The following MLLT1 variants were observed in gnomAD, a reference collection of about 807,000 sequenced individuals.
MLLT1 encodes the protein MLLT1 super elongation complex subunit, also known as protein ENL.
In MLLT1, 11 loss-of-function variants were observed where a neutral mutation model predicts 55.1. The ratio of observed to expected loss-of-function variants is 0.20; its 90% CI spans 0.13 to 0.33. MLLT1 has a LOEUF of 0.33. Ranked by LOEUF, MLLT1 falls within the 10% of genes least tolerant of loss-of-function variation. The pLI is 1.00. For synonymous variants in MLLT1, 323 were observed against 320.1 expected, an observed-to-expected ratio of 1.01 and a Z score of -0.10; for missense variants, 536 against 760.6, an observed-to-expected ratio of 0.70 and a Z score of 3.47.
At chr19:6,234,301 A>AG (rs1568282648) in intron 3 of MLLT1, among the ~76,000 whole-genome samples, 1 of 152,170 alleles carries the variant, frequency 6.6e-6, no homozygotes, top group Non-Finnish European at 1.5e-5. Context: ...GCCCCTGCGG[A>AG]GGGGGAGCCC....
At chr19:6,247,034 G>A (rs1343867333) in intron 3 of MLLT1, among the ~76,000 whole-genome samples, 1 of 152,146 alleles carries the variant, frequency 6.6e-6, no homozygotes, top group Non-Finnish European at 1.5e-5. Context: ...TACAGATATC[G>A]GGAGCCAGGT....
chr19:6,266,426 G>C (rs1039217609), intron 2 of MLLT1, among the ~76,000 whole-genome samples: 1 of 152,062 alleles, frequency 6.6e-6, no homozygotes, highest in African/African-American at 2.4e-5. Flanking sequence ...AGGACTCAAA[G>C]GGTTTACTGC....
chr19:6,231,357 A>G lies in MLLT1; in HGVS notation c.277-644T>C, dbSNP rs1252596390. Among the ~76,000 whole-genome samples the G allele has an allele frequency of 6.6e-6, 1 of 152,100 alleles. No individual in the cohort carries two copies. Among genetic ancestry groups the G allele is most frequent in the African/African-American group, 2.4e-5 (1 of 41,416 alleles). On this transcript the variant is annotated intron_variant, in intron 3 of 11. Coordinates refer to ENST00000252674, the MANE Select transcript of MLLT1 (RefSeq NM_005934.4). This position sits in a 1 kb window ranked among gnomAD's most constrained non-coding sequence, Gnocchi z 5.1. Reference sequence around the variant, plus strand: ...GTGAGGAGTTGACAGGGTGGCCTGGAAAAGGGCTGTGAGTGAGGGGCTGTG... The same window carrying G: ...GTGAGGAGTTGACAGGGTGGCCTGGGAAAGGGCTGTGAGTGAGGGGCTGTG...
chr19:6,218,484 C>T (rs866447021), intron 6 of MLLT1, among the ~76,000 whole-genome samples: 1 of 152,356 alleles, frequency 6.6e-6, no homozygotes, highest in Middle Eastern at 3.4e-3. Context: ...CTTGTTCTGA[C>T]CCAGTGCTGT....
chr19:6,223,460 A>G (rs2090924235), intron 5 of MLLT1, among the ~76,000 whole-genome samples: 1 of 152,164 alleles, frequency 6.6e-6, no homozygotes, highest in Non-Finnish European at 1.5e-5. Context: ...AGGTAAGATG[A>G]TGGCAGAGAG....
At chr19:6,232,214 C>T (rs1012303655) in intron 3 of MLLT1, among the ~76,000 whole-genome samples, 1 of 152,074 alleles carries the variant, frequency 6.6e-6, no homozygotes, top group African/African-American at 2.4e-5. Context: ...CCAGCCTGGG[C>T]GACAGAGAAA....
rs778071338 is a variant in MLLT1, at chr19:6,230,535, C to T, written c.420+35G>A. 14 of 1,608,026 alleles carry T rather than the reference C, an allele frequency of 8.7e-6. No individual in the cohort carries two copies. Among genetic ancestry groups the T allele is most frequent in the South Asian group, 7.7e-5 (7 of 90,906 alleles). ...CCGCAGCAAAGTAGCCTCGGTGGAG[C>T]GGCCCCTTGGCGGGCAGGGGCGGGG... On this transcript the variant is annotated intron_variant, in intron 4 of 11. Transcript: ENST00000252674. This position sits in a 1 kb window ranked among gnomAD's most constrained non-coding sequence, Gnocchi z 9.0.
At chr19:6,279,278 A>T (rs1467024351) in intron 1 of MLLT1, among the ~76,000 whole-genome samples, 1 of 151,812 alleles carries the variant, frequency 6.6e-6, no homozygotes, top group Non-Finnish European at 1.5e-5. Context: ...AGGAAAGGAG[A>T]CAGTGACTGG....
At chr19:6,261,810 G>T (rs1046061702) in intron 3 of MLLT1, among the ~76,000 whole-genome samples, 1 of 152,146 alleles carries the variant, frequency 6.6e-6, no homozygotes, top group Non-Finnish European at 1.5e-5. Context: ...GGTCATCAAA[G>T]ATTCTGCCCA....
At chr19:6,215,154 C>T (rs971698130) in intron 8 of MLLT1, among the ~76,000 whole-genome samples, 2 of 152,204 alleles carry the variant, frequency 1.3e-5, no homozygotes, top group Admixed American at 6.5e-5. Flanking sequence ...GTGGCCTGGG[C>T]GCTCCCTGCC....
rs899902620 is a variant in MLLT1 at position 6,226,871 on chromosome 19, G to A, written c.546+106C>T. The A allele has an allele frequency of 7.9e-6, 7 of 884,170 alleles. No homozygotes were observed. The highest frequency in any genetic ancestry group is 2.1e-5 in the South Asian group (1 of 47,908). The allele number at this position is 884,170 out of a possible 1,614,324, so 54.8% of individuals were successfully genotyped here. A position where few individuals can be genotyped will look rare whatever the true frequency, so the allele number is the denominator to read the frequency against. On this transcript the variant is annotated intron_variant, in intron 5 of 11. Transcript: ENST00000252674. The surrounding 1 kb of genome is among the most constrained non-coding windows in gnomAD (Gnocchi z 6.3). ...TCAAAGAGGAAGACGCCAAGGGAGCGAGCAGGTGCGGAAGGCCCAGCCCAG... is the reference window on the plus strand; with the variant it reads ...TCAAAGAGGAAGACGCCAAGGGAGCAAGCAGGTGCGGAAGGCCCAGCCCAG...
At chr19:6,225,735 A>G (rs1246693936) in intron 5 of MLLT1, among the ~76,000 whole-genome samples, 1 of 152,154 alleles carries the variant, frequency 6.6e-6, no homozygotes, top group Non-Finnish European at 1.5e-5. Flanking sequence ...CCGGCAAAAG[A>G]TACCACCAGC....
At chr19:6,233,284 G>A (rs1050133371) in intron 3 of MLLT1, among the ~76,000 whole-genome samples, 1 of 152,344 alleles carries the variant, frequency 6.6e-6, no homozygotes, top group Middle Eastern at 3.4e-3. Flanking sequence ...CGGCCGCCCA[G>A]GAGTCCCAAG....
chr19:6,213,951 CG>C lies in MLLT1; in HGVS notation c.1394del (p.Pro465ArgfsTer42). The C allele has an allele frequency of 1.5e-6, 2 of 1,310,310 alleles. No homozygotes were observed. The highest frequency in any genetic ancestry group is 1.0e-6 in the Non-Finnish European group (1 of 973,564). The allele number at this position is 1,310,310 out of a possible 1,614,324, so 81.2% of individuals were successfully genotyped here. On this transcript the variant is annotated frameshift_variant, in exon 9 of 12. Transcript: ENST00000252674. LOFTEE classifies it high-confidence loss of function. The stretch of plus-strand genomic sequence containing the variant: ...GCCCCAGGCTCACCTTGCTGTTGGG[CG>C]GGGGTGGCTTCTGGGGGGGTGGGGG... ...REPPPPQKPPPPNSKVSGRRS... is the reference protein window; with the variant it reads ...REPPPPQKPPXPNSKVSGRRS...
Position 6,256,359 on chromosome 19 carries a change from T to C in MLLT1, c.276+5869A>G, listed in dbSNP as rs916610905. ...CCGTGGTTCCAGCTACCTGGGAGGC[T>C]GAGGTGGGAGGACTGCCTGAGCCCA... On this transcript the variant is annotated intron_variant, in intron 3 of 11. Transcript: ENST00000252674. This position sits in a 1 kb window ranked among gnomAD's most constrained non-coding sequence, Gnocchi z 4.1. Among the ~76,000 whole-genome samples, 8 of 151,882 alleles carry C rather than the reference T, an allele frequency of 5.3e-5. No homozygotes were observed. Among genetic ancestry groups the C allele is most frequent in the African/African-American group, 1.9e-4 (8 of 41,312 alleles).
intron 3 of MLLT1, among the ~76,000 whole-genome samples, chr19:6,232,516 T>C (rs2091021488): frequency 6.6e-6 from 1 of 152,236 alleles, no homozygotes. Flanking sequence ...ATCACGACAC[T>C]GCATTAGGCA....
chr19:6,251,559 A>C (rs2144919073), intron 3 of MLLT1, among the ~76,000 whole-genome samples: 1 of 152,342 alleles, frequency 6.6e-6, no homozygotes, highest in South Asian at 2.1e-4. Context: ...GAGTTAGAAA[A>C]AAGAATAAAG....
intron 3 of MLLT1, among the ~76,000 whole-genome samples, chr19:6,249,341 T>G (rs1000836627): frequency 1.3e-5 from 2 of 152,186 alleles, no homozygotes; most frequent in Non-Finnish European, 2.9e-5. Context: ...GGGTCTGAGA[T>G]GTTACTCACT....
rs2090902738 is a variant in MLLT1, at chr19:6,222,002, A to G, written c.1110+119T>C. On this transcript the variant is annotated intron_variant, in intron 6 of 11. Coordinates refer to ENST00000252674, the MANE Select transcript of MLLT1 (RefSeq NM_005934.4). This position sits in a 1 kb window ranked among gnomAD's most constrained non-coding sequence, Gnocchi z 4.1. ...CAGGTTACAAGAAGCCAGTGGGAGGAGCAGCTGGTGAGACCTGAGGTCCTG... is the reference window on the plus strand; with the variant it reads ...CAGGTTACAAGAAGCCAGTGGGAGGGGCAGCTGGTGAGACCTGAGGTCCTG... The G allele has an allele frequency of 2.7e-6, 2 of 753,120 alleles. No homozygotes were observed. Among genetic ancestry groups the G allele is most frequent in the East Asian group, 6.6e-5 (2 of 30,118 alleles). The allele number at this position is 753,120 out of a possible 1,614,324, so 46.7% of individuals were successfully genotyped here. A position where few individuals can be genotyped will look rare whatever the true frequency, so the allele number is the denominator to read the frequency against.
Sources: gnomAD v4.1 joint callset for allele counts (sites outside exome capture counted in the v4.1 genomes callset) on GRCh38, gnomAD v4.1.1 for gene constraint, Gnocchi (gnomAD v3.1) non-coding constraint, MANE v1.5 for transcripts, NCBI Gene and HGNC (gene_info 2026-07-23, HGNC 2026-07-21) for gene names.